Variants in MSRA observed in about 807,000 individuals in gnomAD.
MSRA encodes mitochondrial peptide methionine sulfoxide reductase.
Under a neutral mutation model 31.3 loss-of-function variants are expected in MSRA, and 54 were observed. That is an observed-to-expected ratio of 1.73 (90% CI 1.39 to 2.17). The LOEUF (loss-of-function observed/expected upper bound fraction) is 2.17, where lower values mean the gene tolerates loss of function less well. MSRA is among the 30% of genes most tolerant of loss of function. MSRA has a pLI of 0.00. For synonymous variants in MSRA, 169 were observed against 116.5 expected (o/e 1.45, Z -2.90); for missense variants, 507 against 300.9 (o/e 1.69, Z -5.07).
rs930340528 is a variant in MSRA at position 10,096,410 on chromosome 8, G to A, written c.142+41752G>A. The A allele has an allele frequency of 2.4e-5, 11 of 465,794 alleles. No homozygotes were observed. In the South Asian group the frequency reaches 6.6e-4, roughly 28 times the overall value. The allele number at this position is 465,794 out of a possible 1,614,324, so 28.9% of individuals were successfully genotyped here. A position where few individuals can be genotyped will look rare whatever the true frequency, so the allele number is the denominator to read the frequency against. ...GTGTCTATGTCTAAGAGATGTATGC[G>A]ATTAGTGAATTCTCATTGTGAGAAG... is the stretch of plus-strand genomic sequence containing the variant. On this transcript the variant is annotated intron_variant, in intron 1 of 5. Transcript: ENST00000317173.
chr8:10,398,350 A>G (rs1184082471), intron 5 of MSRA, among the ~76,000 whole-genome samples: 3 of 152,308 alleles, frequency 2.0e-5, no homozygotes, highest in Non-Finnish European at 4.4e-5. Context: ...GTCCTAGCTC[A>G]GCTTTAGAGC....
chr8:10,220,787 A>G (rs1051607970), intron 2 of MSRA, among the ~76,000 whole-genome samples: 2 of 152,130 alleles, frequency 1.3e-5, no homozygotes, highest in African/African-American at 4.8e-5. Context: ...TCAGCATATG[A>G]CCTTTGTCAG....
chr8:10,401,719 G>A (rs4316191), intron 5 of MSRA, among the ~76,000 whole-genome samples: 90,923 of 152,002 alleles, frequency 0.6, 27,502 homozygotes, highest in South Asian at 0.72. Context: ...GCAATGGACT[G>A]CAGCCTGAAA....
At chr8:10,374,964 C>G (rs1805676619) in intron 5 of MSRA, among the ~76,000 whole-genome samples, 1 of 152,222 alleles carries the variant, frequency 6.6e-6, no homozygotes, top group South Asian at 2.1e-4. Context: ...TGCTCCCTCT[C>G]TCACTATGCG....
At chr8:10,160,179 A>C (rs1168512356) in intron 1 of MSRA, among the ~76,000 whole-genome samples, 1 of 152,180 alleles carries the variant, frequency 6.6e-6, no homozygotes, top group Non-Finnish European at 1.5e-5. Flanking sequence ...TGATAATCAT[A>C]CAGCCCCAAC....
intron 1 of MSRA, among the ~76,000 whole-genome samples, chr8:10,203,409 A>G (rs1235153474): frequency 2.0e-5 from 3 of 152,224 alleles, no homozygotes; most frequent in African/African-American, 7.2e-5. Flanking sequence ...AAGATATGTA[A>G]CAGTCATGTG....
intron 3 of MSRA, among the ~76,000 whole-genome samples, chr8:10,297,518 C>G (rs574636555): frequency 1.3e-5 from 2 of 152,264 alleles, no homozygotes; most frequent in East Asian, 1.9e-4. Flanking sequence ...GCAGATTGGT[C>G]TCTGGAATGA....
At chr8:10,291,086 C>G (rs1025853223) in intron 3 of MSRA, among the ~76,000 whole-genome samples, 1 of 152,228 alleles carries the variant, frequency 6.6e-6, no homozygotes, top group African/African-American at 2.4e-5. Context: ...TTACCTACTT[C>G]TACGTACTGG....
chr8:10,287,483 T>C (rs1799997203), intron 3 of MSRA, among the ~76,000 whole-genome samples: 1 of 152,190 alleles, frequency 6.6e-6, no homozygotes, highest in South Asian at 2.1e-4. Context: ...TAACCAGGAA[T>C]CTCAAGTCAG....
rs1384950400 is a variant in MSRA at position 10,154,621 on chromosome 8, C to T, written c.143-53212C>T. Among the ~76,000 whole-genome samples the T allele has an allele frequency of 2.6e-5, 4 of 152,170 alleles. No homozygotes were observed. In the East Asian group the frequency reaches 7.7e-4, roughly 29 times the overall value. ...CTTGATCACCTGACCTCGTGATCCA[C>T]CCACCTCGGCCTCCCAAAGTGCTGG... On this transcript the variant is annotated intron_variant, in intron 1 of 5. Transcript: ENST00000317173.
chr8:10,332,999 C>T (rs1802794367), intron 5 of MSRA, among the ~76,000 whole-genome samples: 1 of 152,158 alleles, frequency 6.6e-6, no homozygotes, highest in African/African-American at 2.4e-5. Flanking sequence ...GCACTGAGTT[C>T]CATCCAAGTA....
chr8:10,243,166 T>A (rs1797426845), intron 2 of MSRA, among the ~76,000 whole-genome samples: 1 of 152,204 alleles, frequency 6.6e-6, no homozygotes. Flanking sequence ...ACGTGAAGGT[T>A]GAAGGATTCT....
chr8:10,164,639 C>T (rs1804959203), intron 1 of MSRA, among the ~76,000 whole-genome samples: 1 of 152,146 alleles, frequency 6.6e-6, no homozygotes, highest in South Asian at 2.1e-4. Flanking sequence ...TAATAATATA[C>T]TATATTTGAA....
chr8:10,312,047 A>G (rs572865850), intron 4 of MSRA, among the ~76,000 whole-genome samples: 71 of 152,368 alleles, frequency 4.7e-4, no homozygotes, highest in Non-Finnish European at 9.7e-4. Flanking sequence ...CAGTTCTCAG[A>G]GGGACATATA....
intron 5 of MSRA, among the ~76,000 whole-genome samples, chr8:10,378,102 G>C (rs538588042): frequency 6.6e-6 from 1 of 152,354 alleles, no homozygotes; most frequent in African/African-American, 2.4e-5. Flanking sequence ...GGACTCCTGA[G>C]GGCACAGGGC....
Position 10,213,304 on chromosome 8 carries a change from T to C in MSRA, c.211+5403T>C, listed in dbSNP as rs540149965. ...TAAGTGAGAACATGTGATGTTTGTC[T>C]TTTTGTGCTGGACTTATTTCACTTA... On this transcript the variant is annotated intron_variant, in intron 2 of 5. Coordinates refer to ENST00000317173, the MANE Select transcript of MSRA (RefSeq NM_012331.5). Among the ~76,000 whole-genome samples the C allele has an allele frequency of 2.0e-5, 3 of 152,248 alleles. No individual in the cohort carries two copies. In the East Asian group the frequency reaches 5.8e-4, roughly 29 times the overall value.
At chr8:10,192,240 C>T (rs1331387407) in intron 1 of MSRA, among the ~76,000 whole-genome samples, 2 of 152,220 alleles carry the variant, frequency 1.3e-5, no homozygotes, top group African/African-American at 4.8e-5. Flanking sequence ...GTTCGGCCTA[C>T]ACTCAAAGGA....
At chr8:10,220,317 C>G (rs1338955485) in intron 2 of MSRA, among the ~76,000 whole-genome samples, 1 of 152,122 alleles carries the variant, frequency 6.6e-6, no homozygotes, top group Non-Finnish European at 1.5e-5. Flanking sequence ...TGATGGAGGT[C>G]CCACCCTATA....
intron 4 of MSRA, among the ~76,000 whole-genome samples, chr8:10,318,506 A>G (rs146535955): frequency 6.6e-6 from 1 of 152,230 alleles, no homozygotes; most frequent in Non-Finnish European, 1.5e-5. Context: ...GAACATATTT[A>G]TTTGCAGAAA....
Sources: gnomAD v4.1 joint callset for allele counts (sites outside exome capture counted in the v4.1 genomes callset) on GRCh38, gnomAD v4.1.1 for gene constraint, MANE v1.5 for transcripts, NCBI Gene and HGNC (gene_info 2026-07-23, HGNC 2026-07-21) for gene names.